Variants in HYCC1 observed in about 807,000 individuals in gnomAD.
HYCC1 encodes hyccin PI4KA lipid kinase complex subunit 1, also known as hyccin.
the HYCC1 span, among the ~76,000 whole-genome samples, chr7:22,994,737 C>A: frequency 1.3e-5 from 2 of 152,090 alleles, no homozygotes; most frequent in African/African-American, 4.8e-5. Flanking sequence ...TATGACATGC[C>A]TCCCTATCCT....
the HYCC1 span, among the ~76,000 whole-genome samples, chr7:22,897,682 G>A: frequency 3.9e-5 from 6 of 152,214 alleles, no homozygotes; most frequent in Non-Finnish European, 8.8e-5. Flanking sequence ...GTGGAGTGCA[G>A]TGGGGTGAGC....
chr7:22,961,384 T>C, the HYCC1 span: 2 of 926,564 alleles, frequency 2.2e-6, no homozygotes, highest in South Asian at 1.5e-5. Context: ...CAAAATACAA[T>C]GAGAAACTAT....
the HYCC1 span, chr7:22,938,527 A>G: frequency 6.6e-6 from 1 of 151,930 alleles, no homozygotes; most frequent in Non-Finnish European, 1.5e-5. Context: ...GATATTTGGG[A>G]AGTTCAACAA....
the HYCC1 span, chr7:22,943,007 C>T: frequency 6.6e-6 from 1 of 152,074 alleles, no homozygotes; most frequent in East Asian, 1.9e-4. Context: ...AGCAAGTCTT[C>T]AGAGATTTTT....
the HYCC1 span, chr7:22,941,843 A>G: frequency 6.6e-6 from 1 of 152,172 alleles, no homozygotes; most frequent in African/African-American, 2.4e-5. Flanking sequence ...AAAGGACTAG[A>G]GAGTTTTAAT....
the HYCC1 span, among the ~76,000 whole-genome samples, chr7:23,000,647 T>G: frequency 6.6e-6 from 1 of 152,292 alleles, no homozygotes; most frequent in South Asian, 2.1e-4. Context: ...TAGTCCTTTG[T>G]ATAGTCCTCC....
the HYCC1 span, chr7:22,945,508 GA>G: frequency 1.9e-6 from 2 of 1,048,666 alleles, no homozygotes; most frequent in Non-Finnish European, 1.5e-6. Flanking sequence ...GAATACGGAT[GA>G]AAGACCCAGG....
At chr7:22,925,149 C>T in the HYCC1 span, among the ~76,000 whole-genome samples, 5 of 152,180 alleles carry the variant, frequency 3.3e-5, no homozygotes, top group Non-Finnish European at 5.9e-5. Flanking sequence ...AACTAACAAA[C>T]AGAAAGGACA....
chr7:22,904,524 A>C, the HYCC1 span, among the ~76,000 whole-genome samples: 1 of 151,984 alleles, frequency 6.6e-6, no homozygotes, highest in African/African-American at 2.4e-5. Flanking sequence ...AGTAAAACAT[A>C]ATTCATCATG....
chr7:22,965,243 C>T, the HYCC1 span, among the ~76,000 whole-genome samples: 1 of 151,624 alleles, frequency 6.6e-6, no homozygotes, highest in Non-Finnish European at 1.5e-5. Flanking sequence ...ACACAAACTG[C>T]AGGATCCAAA....
At chr7:22,966,144 T>C in the HYCC1 span, among the ~76,000 whole-genome samples, 2 of 152,156 alleles carry the variant, frequency 1.3e-5, no homozygotes, top group Non-Finnish European at 2.9e-5. Flanking sequence ...AATAAACAAA[T>C]AGGCGTATAG....
chr7:22,999,419 C>G, the HYCC1 span, among the ~76,000 whole-genome samples: 4 of 152,152 alleles, frequency 2.6e-5, no homozygotes, highest in Non-Finnish European at 5.9e-5. Flanking sequence ...TTTATGTTAA[C>G]AGATTTTAAG....
At chr7:22,934,155 AAACT>A in the HYCC1 span, 1 of 151,440 alleles carries the variant, frequency 6.6e-6, no homozygotes, top group Non-Finnish European at 1.5e-5. Flanking sequence ...TGATGCATAA[AAACT>A]AAAAATCTTT....
At chr7:22,993,120 T>C in the HYCC1 span, among the ~76,000 whole-genome samples, 390 of 152,226 alleles carry the variant, frequency 2.6e-3, 3 homozygotes, top group Admixed American at 0.023. Context: ...AAAATGACAC[T>C]GAAATTCAGT....
chr7:22,950,735 G>C, the HYCC1 span, among the ~76,000 whole-genome samples: 1 of 151,790 alleles, frequency 6.6e-6, no homozygotes, highest in East Asian at 1.9e-4. Context: ...TTATCCAGAG[G>C]ATGGCATATA....
chr7:22,973,016 A>C, the HYCC1 span, among the ~76,000 whole-genome samples: 8 of 152,194 alleles, frequency 5.3e-5, no homozygotes, highest in Non-Finnish European at 1.2e-4. Flanking sequence ...GGTTGTATTT[A>C]TGTATCCTTT....
chr7:22,996,726 T>C, the HYCC1 span, among the ~76,000 whole-genome samples: 1 of 151,660 alleles, frequency 6.6e-6, no homozygotes, highest in African/African-American at 2.4e-5. Context: ...CAAAATGATT[T>C]AAAAACTGTT....
the HYCC1 span, chr7:22,961,213 C>T: frequency 2.1e-6 from 3 of 1,451,274 alleles, no homozygotes; most frequent in South Asian, 1.1e-5. Flanking sequence ...ATAACATTTA[C>T]ATAAATAAGT....
chr7:22,912,464 TG>T, the HYCC1 span, among the ~76,000 whole-genome samples: 1 of 152,102 alleles, frequency 6.6e-6, no homozygotes, highest in East Asian at 1.9e-4. Context: ...GCCAGGAGAT[TG>T]GGAGCTCCCT....
Sources: allele counts gnomAD v4.1 joint callset (sites outside exome capture counted in the v4.1 genomes callset), GRCh38; gene constraint gnomAD v4.1.1; transcripts MANE v1.5; gene names NCBI Gene and HGNC (gene_info 2026-07-23, HGNC 2026-07-21).